RIPOR2: variants seen among roughly 807,000 people sequenced by gnomAD.
The protein encoded by RIPOR2 is rho family-interacting cell polarization regulator 2.
RIPOR2 carries 39 observed loss-of-function variants against 114.5 expected under a neutral mutation model. The observed-to-expected ratio is 0.34, with a 90% CI of 0.26 to 0.44. The LOEUF is 0.44. Ranked by LOEUF, RIPOR2 falls within the 20% of genes least tolerant of loss-of-function variation. The pLI is 1.00. For missense variants in RIPOR2, 1,007 were observed against 1,255.1 expected (o/e 0.80, Z 2.99); for synonymous variants, 445 against 484.4 (o/e 0.92, Z 1.07).
At chr6:24,901,226 G>A (rs1768408074) in intron 1 of RIPOR2, among the ~76,000 whole-genome samples, 1 of 152,106 alleles carries the variant, frequency 6.6e-6, no homozygotes, top group South Asian at 2.1e-4. Context: ...CTTTCAATAG[G>A]GCTTTTTTCA....
At chr6:24,991,651 CCTCT>C (rs1435926276) in intron 1 of RIPOR2, among the ~76,000 whole-genome samples, 1 of 152,166 alleles carries the variant, frequency 6.6e-6, no homozygotes, top group Non-Finnish European at 1.5e-5. Context: ...GTGTGCTGGG[CCTCT>C]TGGAGCCCTG....
intron 1 of RIPOR2, among the ~76,000 whole-genome samples, chr6:24,957,783 G>T (rs1339707667): frequency 6.6e-6 from 1 of 152,196 alleles, no homozygotes; most frequent in African/African-American, 2.4e-5. Flanking sequence ...GCTGAGGCAG[G>T]AAAATGGAGT....
chr6:24,937,816 A>G (rs1268415006), upstream of RIPOR2, among the ~76,000 whole-genome samples: 1 of 152,160 alleles, frequency 6.6e-6, no homozygotes, highest in Non-Finnish European at 1.5e-5. Context: ...GACTAATTCC[A>G]GAGCTCACTC....
chr6:24,993,186 T>A (rs891687032), intron 1 of RIPOR2, among the ~76,000 whole-genome samples: 1 of 152,230 alleles, frequency 6.6e-6, no homozygotes. Context: ...AAAAACCACC[T>A]CCTAGATTCA....
intron 1 of RIPOR2, among the ~76,000 whole-genome samples, chr6:24,905,474 C>T (rs976195349): frequency 2.3e-4 from 35 of 151,876 alleles, no homozygotes; most frequent in Non-Finnish European, 1.0e-4. Flanking sequence ...ACTAAAAATA[C>T]GGCACTGCAA....
intron 1 of RIPOR2, among the ~76,000 whole-genome samples, chr6:24,998,825 G>T (rs1474550667): frequency 6.6e-6 from 1 of 152,116 alleles, no homozygotes; most frequent in African/African-American, 2.4e-5. Context: ...GTCAATGAGA[G>T]TTGACAATGG....
At chr6:24,843,698 C>CGTGTGTGTGTGT (rs34540028) in intron 12 of RIPOR2, 144 bp from the exon 13 acceptor site, 1 of 360,786 alleles carries the variant, frequency 2.8e-6, no homozygotes, top group African/African-American at 2.3e-5. Context: ...TTGTTGATGC[C>CGTGTGTGTGTGT]GTGTGTGTGT....
Position 25,012,017 on chromosome 6 carries a change from A to C in RIPOR2, c.76+29834T>G, listed in dbSNP as rs1184468076. On this transcript the variant is annotated intron_variant, in intron 1 of 13. Transcript: ENST00000510784. ...GGCTTGTGTCCAGAACATATAGAGA[A>C]CTCTTAAAACTAACAATAAAAAGAC... is the stretch of plus-strand genomic sequence containing the variant. Among the ~76,000 whole-genome samples, 4 of 152,328 alleles carry C rather than the reference A, an allele frequency of 2.6e-5. No individual in the cohort carries two copies. The East Asian group carries it at 7.7e-4, about 29-fold the overall frequency.
At chr6:24,991,863 G>A (rs1774832047) in intron 1 of RIPOR2, among the ~76,000 whole-genome samples, 1 of 152,166 alleles carries the variant, frequency 6.6e-6, no homozygotes, top group Admixed American at 6.5e-5. Flanking sequence ...GACCTTCCGA[G>A]GGAAGCTAAC....
At chr6:24,948,109 T>G (rs1772531964) in intron 1 of RIPOR2, 1 of 152,228 alleles carries the variant, frequency 6.6e-6, no homozygotes, top group African/African-American at 2.4e-5. Flanking sequence ...TTACGTGTTC[T>G]GTACATAACA....
intron 13 of RIPOR2, chr6:24,839,992 C>G: frequency 1.1e-6 from 1 of 945,014 alleles, no homozygotes; most frequent in Non-Finnish European, 1.2e-6. Flanking sequence ...CTCTGTCACT[C>G]AGGCTGGAGT....
intron 1 of RIPOR2, among the ~76,000 whole-genome samples, chr6:25,023,083 G>A (rs868680279): frequency 6.6e-6 from 1 of 151,588 alleles, no homozygotes; most frequent in Non-Finnish European, 1.5e-5. Flanking sequence ...TAATGACGAC[G>A]TTTGCAGGCT....
At chr6:25,015,048 A>C (rs1554131421) in intron 1 of RIPOR2, 1 of 152,256 alleles carries the variant, frequency 6.6e-6, no homozygotes, top group Non-Finnish European at 1.5e-5. Flanking sequence ...TCTGGTAGCC[A>C]GCAAGATTTT....
chr6:24,821,184 G>GT (rs34318379), intron 19 of RIPOR2, among the ~76,000 whole-genome samples: 48,514 of 127,818 alleles, frequency 0.38, 9,342 homozygotes, highest in Middle Eastern at 0.46. Context: ...GTTTAACACT[G>GT]TTTTTTTTTT....
At chr6:24,919,907 G>A (rs1770355328) in intron 1 of RIPOR2, among the ~76,000 whole-genome samples, 1 of 152,136 alleles carries the variant, frequency 6.6e-6, no homozygotes, top group Non-Finnish European at 1.5e-5. Flanking sequence ...TCAAGTGCCT[G>A]GTGGAATACA....
At chr6:24,863,494 T>A (rs1272893168) in intron 7 of RIPOR2, among the ~76,000 whole-genome samples, 1 of 152,194 alleles carries the variant, frequency 6.6e-6, no homozygotes, top group Non-Finnish European at 1.5e-5. Flanking sequence ...ATAAACATCC[T>A]TTATAATTGG....
chr6:24,838,708 C>T (rs1488942753), intron 14 of RIPOR2, among the ~76,000 whole-genome samples: 3 of 152,090 alleles, frequency 2.0e-5, no homozygotes, highest in Admixed American at 6.6e-5. Flanking sequence ...GCAGGAGAAT[C>T]GCTTGAACCT....
At chr6:24,955,419 C>G (rs980940906) in intron 1 of RIPOR2, among the ~76,000 whole-genome samples, 1 of 152,168 alleles carries the variant, frequency 6.6e-6, no homozygotes, top group African/African-American at 2.4e-5. Context: ...TCACAGCTCA[C>G]ACAATATTAA....
intron 4 of RIPOR2, among the ~76,000 whole-genome samples, chr6:24,871,809 C>T (rs1227421250): frequency 6.6e-6 from 1 of 152,192 alleles, no homozygotes; most frequent in Non-Finnish European, 1.5e-5. Context: ...TTGGCAGAAG[C>T]CCCTGCATTT....
Sources: allele counts gnomAD v4.1 joint callset (sites outside exome capture counted in the v4.1 genomes callset), GRCh38; gene constraint gnomAD v4.1.1; transcripts MANE v1.5; gene names NCBI Gene and HGNC (gene_info 2026-07-23, HGNC 2026-07-21).